The following EYA4 variants were observed in gnomAD, a reference collection of about 807,000 sequenced individuals.
EYA4 encodes the protein protein phosphatase EYA4.
In EYA4, 31 loss-of-function variants were observed where a neutral mutation model predicts 87.9. The ratio of observed to expected loss-of-function variants is 0.35; its 90% CI spans 0.27 to 0.48. The LOEUF is 0.48. Among genes scored for constraint, EYA4 ranks in the 20% least tolerant of loss-of-function variants. The pLI, the probability that EYA4 is intolerant of heterozygous loss-of-function variation, is 0.99. For missense variants in EYA4, 678 were observed against 761.4 expected (o/e 0.89, Z 1.29); for synonymous variants, 263 against 270.6 (o/e 0.97, Z 0.28).
At chr6:133,393,094 T>A (rs1562367439) in intron 3 of EYA4, among the ~76,000 whole-genome samples, 1 of 152,202 alleles carries the variant, frequency 6.6e-6, no homozygotes, top group African/African-American at 2.4e-5. Context: ...TCTCCAAGAT[T>A]GCTTAGGGGT....
At chr6:133,322,791 A>G (rs1562288229) in intron 2 of EYA4, among the ~76,000 whole-genome samples, 1 of 152,172 alleles carries the variant, frequency 6.6e-6, no homozygotes, top group Non-Finnish European at 1.5e-5. Context: ...TGTCTTGCAA[A>G]TACAGAATGA....
At chr6:133,282,171 GC>G (rs147153109) in intron 2 of EYA4, among the ~76,000 whole-genome samples, 1,897 of 152,254 alleles carry the variant, frequency 0.012, 32 homozygotes, top group African/African-American at 0.043. Flanking sequence ...TCTCCAACCT[GC>G]TTCATAGTGG....
At position 133,299,879 on chromosome 6, in the gene EYA4, A is replaced by G. The variant is rs148490492; in HGVS notation, c.33+25066A>G. On this transcript the variant is annotated intron_variant, in intron 2 of 19. Coordinates refer to ENST00000355286, the MANE Select transcript of EYA4 (RefSeq NM_004100.5). ...GGGGATTGGGGTGCTAACTTTATATATATACACACACACTTATATACATAT... is the reference window on the plus strand; with the variant it reads ...GGGGATTGGGGTGCTAACTTTATATGTATACACACACACTTATATACATAT... Among the ~76,000 whole-genome samples, 17 of 151,200 alleles carry G rather than the reference A, an allele frequency of 1.1e-4. No individual in the cohort carries two copies. In the East Asian group the frequency reaches 2.9e-3, roughly 26 times the overall value.
intron 2 of EYA4, among the ~76,000 whole-genome samples, chr6:133,356,902 A>C (rs1348232438): frequency 4.6e-5 from 7 of 151,538 alleles, no homozygotes; most frequent in Non-Finnish European, 1.0e-4. Flanking sequence ...TCCCAGGTTC[A>C]AGTGATTCTT....
At chr6:133,244,354 A>G (rs1035049527) in intron 1 of EYA4, among the ~76,000 whole-genome samples, 3 of 152,134 alleles carry the variant, frequency 2.0e-5, no homozygotes, top group East Asian at 3.8e-4. Context: ...CGTCTCACAT[A>G]TATGTATGTA....
At chr6:133,432,407 A>G (rs182644815) in intron 3 of EYA4, among the ~76,000 whole-genome samples, 1 of 151,910 alleles carries the variant, frequency 6.6e-6, no homozygotes, top group Admixed American at 6.5e-5. Context: ...AGGGCGCTGC[A>G]TTGTGTTTGG....
intron 6 of EYA4, among the ~76,000 whole-genome samples, chr6:133,458,279 A>G (rs1449420669): frequency 6.6e-6 from 1 of 152,184 alleles, no homozygotes. Context: ...TTTCACAGCA[A>G]TATTGCAGTA....
At position 133,284,996 on chromosome 6, in the gene EYA4, T is replaced by G. The variant is rs150857542; in HGVS notation, c.33+10183T>G. 8.4e-3 allele frequency among the ~76,000 whole-genome samples: 1,276 copies of G among 151,298 alleles called. 17 individuals carry two copies. The highest frequency in any genetic ancestry group is 0.027 in the African/African-American group (1,130 of 41,220). ...GACAGCTGTGGTTTTTTGTTTTTTT[T>G]TTTGTTTGTTTGTTTTTTGAGATGG... On this transcript the variant is annotated intron_variant, in intron 2 of 19. Coordinates refer to ENST00000355286, the MANE Select transcript of EYA4 (RefSeq NM_004100.5).
At chr6:133,415,522 C>A (rs1017492965) in intron 3 of EYA4, among the ~76,000 whole-genome samples, 2 of 152,132 alleles carry the variant, frequency 1.3e-5, no homozygotes, top group Non-Finnish European at 2.9e-5. Context: ...TTGGAATTTT[C>A]TTCCCTCTGG....
intron 5 of EYA4, among the ~76,000 whole-genome samples, chr6:133,453,287 G>A (rs1383686273): frequency 6.6e-6 from 1 of 151,892 alleles, no homozygotes; most frequent in Non-Finnish European, 1.5e-5. Flanking sequence ...GTAATTTAAA[G>A]TGCAGAAACA....
chr6:133,309,854 T>C (rs1780082878), intron 2 of EYA4, among the ~76,000 whole-genome samples: 1 of 152,208 alleles, frequency 6.6e-6, no homozygotes, highest in African/African-American at 2.4e-5. Flanking sequence ...CTTGTGATTA[T>C]GAAACAGTAT....
At chr6:133,385,440 T>TGTGTGTGTGAGA (rs1198712820) in intron 3 of EYA4, among the ~76,000 whole-genome samples, 1 of 103,966 alleles carries the variant, frequency 9.6e-6, no homozygotes, top group African/African-American at 3.5e-5. Flanking sequence ...TGTGTGTGTG[T>TGTGTGTGTGAGA]GAGAGAGAGA....
At chr6:133,294,832 C>T (rs1038757401) in intron 2 of EYA4, among the ~76,000 whole-genome samples, 6 of 152,112 alleles carry the variant, frequency 3.9e-5, no homozygotes, top group Admixed American at 2.0e-4. Context: ...CCACCTGCCT[C>T]GGCCTCCCAA....
chr6:133,375,231 A>G (rs922770657), intron 2 of EYA4, among the ~76,000 whole-genome samples: 1 of 151,950 alleles, frequency 6.6e-6, no homozygotes, highest in Non-Finnish European at 1.5e-5. Context: ...CATAAATCAT[A>G]TTTACTTGGA....
intron 3 of EYA4, among the ~76,000 whole-genome samples, chr6:133,434,843 G>C (rs79798295): frequency 0.02 from 3,106 of 152,216 alleles, 111 homozygotes; most frequent in African/African-American, 0.069. Flanking sequence ...ACAGTGATAT[G>C]TTTCTTAGTA....
At chr6:133,334,191 C>T (rs1354567810) in intron 2 of EYA4, among the ~76,000 whole-genome samples, 7 of 152,132 alleles carry the variant, frequency 4.6e-5, no homozygotes, top group African/African-American at 9.7e-5. Flanking sequence ...AACAGAAATT[C>T]GAATTAGCAG....
intron 2 of EYA4, among the ~76,000 whole-genome samples, chr6:133,281,904 G>A (rs1443831454): frequency 6.6e-6 from 1 of 152,010 alleles, no homozygotes; most frequent in Non-Finnish European, 1.5e-5. Context: ...ATTCACTTAG[G>A]ATGATGGCCT....
chr6:133,326,748 C>T (rs1263262254), intron 2 of EYA4, among the ~76,000 whole-genome samples: 1 of 152,230 alleles, frequency 6.6e-6, no homozygotes, highest in Non-Finnish European at 1.5e-5. Flanking sequence ...TTCCTCATCC[C>T]TTCACCGTGA....
chr6:133,356,229 T>C (rs970151938), intron 2 of EYA4, among the ~76,000 whole-genome samples: 2 of 152,154 alleles, frequency 1.3e-5, no homozygotes, highest in African/African-American at 4.8e-5. Flanking sequence ...AGTTAGGGCT[T>C]CAACATGTGA....
Sources: allele counts gnomAD v4.1 joint callset (sites outside exome capture counted in the v4.1 genomes callset), GRCh38; gene constraint gnomAD v4.1.1; transcripts MANE v1.5; gene names NCBI Gene and HGNC (gene_info 2026-07-23, HGNC 2026-07-21).